Variants in CNPY1 observed in about 807,000 individuals in gnomAD.
CNPY1 encodes canopy FGF signaling regulator 1, also known as protein canopy homolog 1.
CNPY1 carries 14 observed loss-of-function variants against 14.4 expected under a neutral mutation model. The observed-to-expected ratio is 0.97, with a 90% CI of 0.64 to 1.52. CNPY1 has a LOEUF of 1.52. Ranked by LOEUF, CNPY1 falls within the 40% of genes most tolerant of loss-of-function variation. The pLI, the probability that CNPY1 is intolerant of heterozygous loss-of-function variation, is 0.00. For synonymous variants in CNPY1, 43 were observed against 46.5 expected (o/e 0.92, Z 0.31); for missense variants, 129 against 131.5 (o/e 0.98, Z 0.09).
At chr7:155,529,030 C>T (rs944437126) in intron 2 of CNPY1, among the ~76,000 whole-genome samples, 11 of 150,222 alleles carry the variant, frequency 7.3e-5, no homozygotes, top group Non-Finnish European at 1.6e-4. Flanking sequence ...CACTGCACTC[C>T]AGCCTGGGTG....
chr7:155,540,189 G>A (rs1371242524), intron 2 of CNPY1, among the ~76,000 whole-genome samples: 22 of 152,180 alleles, frequency 1.4e-4, no homozygotes. Context: ...CCAGGGAGAG[G>A]CTCTCTGCAC....
intron 2 of CNPY1, among the ~76,000 whole-genome samples, chr7:155,515,296 C>A (rs1198862706): frequency 6.1e-4 from 1 of 1,646 alleles, no homozygotes; most frequent in African/African-American, 0.019. Flanking sequence ...TCAAGGCCGC[C>A]CCCCCCCCCC....
intron 2 of CNPY1, among the ~76,000 whole-genome samples, chr7:155,534,559 G>A (rs903716187): frequency 1.3e-5 from 2 of 152,208 alleles, no homozygotes; most frequent in African/African-American, 4.8e-5. Context: ...CCGGGAAGGC[G>A]GATCAGCTGC....
intron 4 of CNPY1, among the ~76,000 whole-genome samples, chr7:155,506,417 C>A (rs1796310180): frequency 6.6e-6 from 1 of 152,160 alleles, no homozygotes; most frequent in African/African-American, 2.4e-5. Context: ...TAAAATTCTG[C>A]TCATTTTTTC....
intron 2 of CNPY1, among the ~76,000 whole-genome samples, chr7:155,517,410 C>T (rs1048997762): frequency 7.2e-5 from 11 of 152,200 alleles, no homozygotes; most frequent in South Asian, 2.1e-4. Flanking sequence ...GTTAGTGGCT[C>T]CTGTCTGTGG....
intron 4 of CNPY1, among the ~76,000 whole-genome samples, chr7:155,505,977 CA>C (rs1374606722): frequency 6.6e-6 from 1 of 152,126 alleles, no homozygotes; most frequent in East Asian, 1.9e-4. Flanking sequence ...AAGACAAAAA[CA>C]AAACCAAAAA....
At chr7:155,523,124 C>T (rs1057370302) in intron 2 of CNPY1, among the ~76,000 whole-genome samples, 51 of 152,328 alleles carry the variant, frequency 3.3e-4, no homozygotes, top group African/African-American at 1.2e-3. Context: ...AAGGATAAGT[C>T]ATGCCAGACA....
chr7:155,534,425 ACATGTGCACTTG>A (rs1796998532), intron 2 of CNPY1, among the ~76,000 whole-genome samples: 1 of 152,214 alleles, frequency 6.6e-6, no homozygotes, highest in African/African-American at 2.4e-5. Context: ...AGACAAATGC[ACATGTGCACTTG>A]CATGTGCACA....
rs1374481497 is a variant in CNPY1, at chr7:155,534,101, A to G, written c.99+11730T>C. Among the ~76,000 whole-genome samples the G allele has an allele frequency of 2.0e-5, 3 of 152,244 alleles. No individual in the cohort carries two copies. In the South Asian group the frequency reaches 6.2e-4, roughly 32 times the overall value. ...ACTGACATGCCTGCCCTGTATGTGC[A>G]CTGCAGCGGGTTAGGGGCCCCAAAA... On this transcript the variant is annotated intron_variant, in intron 2 of 4. Transcript: ENST00000636446.
chr7:155,540,647 CT>C (rs2116757784), intron 2 of CNPY1, among the ~76,000 whole-genome samples: 1 of 152,366 alleles, frequency 6.6e-6, no homozygotes, highest in Non-Finnish European at 1.5e-5. Flanking sequence ...GAGGACGCCC[CT>C]GAGCTCTGCT....
At chr7:155,508,242 T>A (rs962247041) in intron 3 of CNPY1, among the ~76,000 whole-genome samples, 2 of 152,250 alleles carry the variant, frequency 1.3e-5, no homozygotes, top group Admixed American at 1.3e-4. Context: ...AGCCAGAGAC[T>A]AGCATTCACA....
chr7:155,533,186 G>C (rs987900174), intron 2 of CNPY1, among the ~76,000 whole-genome samples: 13 of 152,102 alleles, frequency 8.5e-5, no homozygotes, highest in African/African-American at 3.1e-4. Flanking sequence ...CCTCCCAAAC[G>C]GCGCGGCCTC....
chr7:155,516,181 A>T (rs1046849711), intron 2 of CNPY1, among the ~76,000 whole-genome samples: 2 of 152,146 alleles, frequency 1.3e-5, no homozygotes, highest in African/African-American at 2.4e-5. Flanking sequence ...TCAAAAGTCA[A>T]ATCCACCCCC....
chr7:155,527,483 A>T, intron 2 of CNPY1, among the ~76,000 whole-genome samples: 1 of 111,090 alleles, frequency 9.0e-6, no homozygotes. Context: ...ACTGTCACCC[A>T]GGCTGGAGTG....
At chr7:155,522,873 C>T (rs149925307) in intron 2 of CNPY1, among the ~76,000 whole-genome samples, 3 of 152,330 alleles carry the variant, frequency 2.0e-5, no homozygotes, top group South Asian at 2.1e-4. Flanking sequence ...TCCTGCCAAA[C>T]GTTCTATGGA....
At chr7:155,506,952 C>A in intron 4 of CNPY1, 68 bp downstream of exon 4, 6 of 1,030,846 alleles carry the variant, frequency 5.8e-6, no homozygotes, top group Middle Eastern at 2.1e-4. Context: ...GCAAACAAGA[C>A]GCTGCAAGGC....
At chr7:155,523,347 C>T (rs1251401171) in intron 2 of CNPY1, among the ~76,000 whole-genome samples, 1 of 152,184 alleles carries the variant, frequency 6.6e-6, no homozygotes, top group East Asian at 1.9e-4. Context: ...ATGCACGGGT[C>T]GGTGTGGCGG....
intron 4 of CNPY1, among the ~76,000 whole-genome samples, chr7:155,506,218 G>A (rs1027917001): frequency 2.0e-5 from 3 of 152,090 alleles, no homozygotes; most frequent in Non-Finnish European, 4.4e-5. Context: ...TACCCCACTG[G>A]CTTTAAATCA....
intron 3 of CNPY1, among the ~76,000 whole-genome samples, chr7:155,508,166 T>C (rs1290957070): frequency 6.6e-6 from 1 of 152,236 alleles, no homozygotes; most frequent in Non-Finnish European, 1.5e-5. Context: ...CATCACTTTG[T>C]CTGATTCAAC....
Sources: allele counts gnomAD v4.1 joint callset (sites outside exome capture counted in the v4.1 genomes callset), GRCh38; gene constraint gnomAD v4.1.1; transcripts MANE v1.5; gene names NCBI Gene and HGNC (gene_info 2026-07-23, HGNC 2026-07-21).